Variants in HNRNPD observed in about 807,000 individuals in gnomAD.
HNRNPD encodes the protein heterogeneous nuclear ribonucleoprotein D0.
A neutral mutation model predicts 47.9 loss-of-function variants in HNRNPD; 3 were observed. The ratio of observed to expected loss-of-function variants is 0.06; its 90% CI spans 0.03 to 0.16. The LOEUF (loss-of-function observed/expected upper bound fraction) is 0.16, where lower values mean the gene tolerates loss of function less well. HNRNPD is among the 10% of genes least tolerant of loss of function. The probability of loss-of-function intolerance (pLI) is 1.00; values close to 1 mark genes in which losing one functional copy is unlikely to be tolerated. For synonymous variants in HNRNPD, 171 were observed against 165.1 expected, an observed-to-expected ratio of 1.04 and a Z score of -0.28; for missense variants, 287 against 454.2, an observed-to-expected ratio of 0.63 and a Z score of 3.35.
At position 82,373,950 on chromosome 4, in the gene HNRNPD, T is replaced by G. The variant is rs1351264960; in HGVS notation, c.-272A>C. The G allele has an allele frequency of 1.6e-5, 12 of 731,432 alleles. No homozygotes were observed. The East Asian group carries it at 3.3e-4, about 20-fold the overall frequency. The allele number at this position is 731,432 out of a possible 1,614,324, so 45.3% of individuals were successfully genotyped here. Reference sequence around the variant, plus strand: ...AGCGGCGGCCGCTCTCGCCTCCTCCTCGCTTTAATGGCGCCGCCGCGGACC... The same window carrying G: ...AGCGGCGGCCGCTCTCGCCTCCTCCGCGCTTTAATGGCGCCGCCGCGGACC... On this transcript the variant is annotated 5_prime_UTR_variant, in exon 1 of 9. Coordinates refer to ENST00000313899, the MANE Select transcript of HNRNPD (RefSeq NM_031370.3).
chr4:82,373,013 T>A, intron 1 of HNRNPD: 1 of 392,772 alleles, frequency 2.5e-6, no homozygotes, highest in Non-Finnish European at 5.1e-6. Context: ...AAGCACCAAA[T>A]AAACCTTAGT....
intron 2 of HNRNPD, among the ~76,000 whole-genome samples, chr4:82,363,090 C>G (rs1350671914): frequency 7.0e-6 from 1 of 143,740 alleles, no homozygotes; most frequent in Non-Finnish European, 1.5e-5. Flanking sequence ...TTATTTTTTT[C>G]TTTTTAAACA....
Position 82,373,824 on chromosome 4 carries a change from A to G in HNRNPD, c.-146T>C. On this transcript the variant is annotated 5_prime_UTR_variant, in exon 1 of 9. Coordinates refer to ENST00000313899, the MANE Select transcript of HNRNPD (RefSeq NM_031370.3). ...ACAGGGAAGGCGCGCGCGTGGCTGC[A>G]AAGGCTCCTGCGCCTCTCCCTGGCC... The G allele has an allele frequency of 6.7e-7, 1 of 1,483,842 alleles. No individual in the cohort carries two copies. The allele number at this position is 1,483,842 out of a possible 1,614,324, so 91.9% of individuals were successfully genotyped here. A position where few individuals can be genotyped will look rare whatever the true frequency, so the allele number is the denominator to read the frequency against.
Position 82,352,791 on chromosome 4 carries a change from TCATA to T in HNRNPD, c.*1390_*1393del. The T allele has an allele frequency of 1.0e-5, 1 of 96,618 alleles. No individual in the cohort carries two copies. The highest frequency in any genetic ancestry group is 5.5e-5 in the African/African-American group (1 of 18,274). 6.0% of individuals were successfully genotyped at this position (96,618 alleles called of 1,614,324 possible). A position where few individuals can be genotyped will look rare whatever the true frequency, so the allele number is the denominator to read the frequency against. Reference sequence around the variant, plus strand: ...GACACAGGTCCTCAATTTGGATCTATCATAAAAAAACTTTAATAACACTAACTTT... The same window carrying T: ...GACACAGGTCCTCAATTTGGATCTATAAAAAACTTTAATAACACTAACTTT... On this transcript the variant is annotated 3_prime_UTR_variant, in exon 9 of 9. Transcript: ENST00000313899.
In HNRNPD at chr4:82,373,771, G is replaced by A; in HGVS notation, c.-93C>T. The A allele has an allele frequency of 1.3e-6, 2 of 1,524,198 alleles. No individual in the cohort carries two copies. Among genetic ancestry groups the A allele is most frequent in the Non-Finnish European group, 1.8e-6 (2 of 1,142,478 alleles). The allele number at this position is 1,524,198 out of a possible 1,614,324, so 94.4% of individuals were successfully genotyped here. A position where few individuals can be genotyped will look rare whatever the true frequency, so the allele number is the denominator to read the frequency against. On this transcript the variant is annotated 5_prime_UTR_variant, in exon 1 of 9. Coordinates refer to ENST00000313899, the MANE Select transcript of HNRNPD (RefSeq NM_031370.3). ...AAAGTAATCCCCGCCGCTGCCGCGC[G>A]CCCGCTCTACCTCGCGAAGCACACA...
intron 2 of HNRNPD, among the ~76,000 whole-genome samples, chr4:82,368,111 C>T (rs1719854880): frequency 6.6e-6 from 1 of 152,150 alleles, no homozygotes; most frequent in Non-Finnish European, 1.5e-5. Flanking sequence ...AATGTGCACA[C>T]ACTTGAGGTA....
Position 82,371,561 on chromosome 4 carries a change from T to G in HNRNPD, c.257A>C (p.His86Pro), listed in dbSNP as rs1720048967. ...CCGCTGTGCCGTCGCTGCTTCAGAGTGTCGTGGGGAGGAGTTTGAATGGCT... is the reference window on the plus strand; with the variant it reads ...CCGCTGTGCCGTCGCTGCTTCAGAGGGTCGTGGGGAGGAGTTTGAATGGCT... ...DEGHSNSSPRHSEAATAQREE... is the reference protein window; with the variant it reads ...DEGHSNSSPRPSEAATAQREE... The change falls in exon 2 of 9, where the codon CAC becomes CCC. Residue 86 changes from histidine (H) to proline (P), a missense_variant. By Grantham distance (77) the His-to-Pro change is moderately conservative. Coordinates refer to ENST00000313899, the MANE Select transcript of HNRNPD (RefSeq NM_031370.3). The G allele has an allele frequency of 6.2e-7, 1 of 1,613,158 alleles. No individual in the cohort carries two copies. Among genetic ancestry groups the G allele is most frequent in the Admixed American group, 1.7e-5 (1 of 59,970 alleles).
At chr4:82,359,898 A>C (rs777254952) in intron 2 of HNRNPD, among the ~76,000 whole-genome samples, 7 of 152,198 alleles carry the variant, frequency 4.6e-5, no homozygotes, top group Non-Finnish European at 1.0e-4. Flanking sequence ...ATATACCCAA[A>C]GTAAAAATAC....
chr4:82,367,029 T>TTC (rs995567525), intron 2 of HNRNPD, among the ~76,000 whole-genome samples: 1 of 95,840 alleles, frequency 1.0e-5, no homozygotes, highest in African/African-American at 3.7e-5. Context: ...CACTAGCCTT[T>TTC]TTTTTTTTTT....
chr4:82,369,205 G>A (rs1719909711), intron 2 of HNRNPD, among the ~76,000 whole-genome samples: 2 of 152,202 alleles, frequency 1.3e-5, no homozygotes, highest in Non-Finnish European at 2.9e-5. Context: ...TACCCCAAAT[G>A]AACTGCAGCA....
At chr4:82,368,089 C>A (rs532067232) in intron 2 of HNRNPD, among the ~76,000 whole-genome samples, 24 of 152,308 alleles carry the variant, frequency 1.6e-4, no homozygotes, top group Middle Eastern at 3.4e-3. Context: ...AGTTATGTTT[C>A]ACCCATTTGT....
At chr4:82,371,828 AG>A (rs1720059787) in intron 1 of HNRNPD, among the ~76,000 whole-genome samples, 1 of 152,208 alleles carries the variant, frequency 6.6e-6, no homozygotes, top group African/African-American at 2.4e-5. Context: ...AAAATGTTAA[AG>A]GTTTTAAGTT....
At position 82,373,944 on chromosome 4, in the gene HNRNPD, T is replaced by G. The variant is rs1381145772; in HGVS notation, c.-266A>C. On this transcript the variant is annotated 5_prime_UTR_variant, in exon 1 of 9. Transcript: ENST00000313899. ...AGCACCAGCGGCGGCCGCTCTCGCCTCCTCCTCGCTTTAATGGCGCCGCCG... is the reference window on the plus strand; with the variant it reads ...AGCACCAGCGGCGGCCGCTCTCGCCGCCTCCTCGCTTTAATGGCGCCGCCG... 5 of 759,862 alleles carry G rather than the reference T, an allele frequency of 6.6e-6. No individual in the cohort carries two copies. Among genetic ancestry groups the G allele is most frequent in the East Asian group, 6.7e-5 (2 of 29,906 alleles). The allele number at this position is 759,862 out of a possible 1,614,324, so 47.1% of individuals were successfully genotyped here.
chr4:82,366,013 T>C (rs1719736645), intron 2 of HNRNPD, among the ~76,000 whole-genome samples: 1 of 152,100 alleles, frequency 6.6e-6, no homozygotes, highest in Non-Finnish European at 1.5e-5. Context: ...TTTGGTATTA[T>C]TTCCCCATCA....
rs1720094905 is a variant in HNRNPD at position 82,372,449 on chromosome 4, G to A, written c.234-865C>T. 2.0e-5 allele frequency among the ~76,000 whole-genome samples: 3 copies of A among 152,146 alleles called. No individual in the cohort carries two copies. In the South Asian group the frequency reaches 6.2e-4, roughly 31 times the overall value. On this transcript the variant is annotated intron_variant, in intron 1 of 8. Coordinates refer to ENST00000313899, the MANE Select transcript of HNRNPD (RefSeq NM_031370.3). Reference sequence around the variant, plus strand: ...AATACAGGATTTGTTTCTCTTAAGAGGACTACAGGCCTCCCTTAGTGGGCG... The same window carrying A: ...AATACAGGATTTGTTTCTCTTAAGAAGACTACAGGCCTCCCTTAGTGGGCG...
chr4:82,355,218 CTTAAA>C (rs1351795313), intron 8 of HNRNPD, 81 bp downstream of exon 8: 6 of 776,024 alleles, frequency 7.7e-6, no homozygotes, highest in African/African-American at 7.1e-5. Context: ...CTGTGAAACT[CTTAAA>C]TTAAGCATTG....
chr4:82,365,127 G>A (rs905329442), intron 2 of HNRNPD, among the ~76,000 whole-genome samples: 6 of 152,160 alleles, frequency 3.9e-5, no homozygotes, highest in Admixed American at 2.0e-4. Flanking sequence ...CCTGGACATA[G>A]CGATCAGCCT....
chr4:82,372,980 C>T (rs1246735389), intron 1 of HNRNPD: 6 of 348,246 alleles, frequency 1.7e-5, no homozygotes, highest in Non-Finnish European at 3.5e-5. Context: ...TATAAACAAT[C>T]GCATCGTTTC....
Position 82,367,489 on chromosome 4 carries a change from T to C in HNRNPD, c.290+4039A>G, listed in dbSNP as rs552834899. Reference sequence around the variant, plus strand: ...TACTTTTCAAAAGTGTAAGGAAAAATCTGTAGGAGATTCATTCCATGACAT... The same window carrying C: ...TACTTTTCAAAAGTGTAAGGAAAAACCTGTAGGAGATTCATTCCATGACAT... On this transcript the variant is annotated intron_variant, in intron 2 of 8. Coordinates refer to ENST00000313899, the MANE Select transcript of HNRNPD (RefSeq NM_031370.3). 5.3e-5 allele frequency among the ~76,000 whole-genome samples: 8 copies of C among 152,282 alleles called. No homozygotes were observed. The South Asian group carries it at 1.7e-3, about 32-fold the overall frequency.
Sources: allele counts gnomAD v4.1 joint callset (sites outside exome capture counted in the v4.1 genomes callset), GRCh38; gene constraint gnomAD v4.1.1; transcripts MANE v1.5; gene names NCBI Gene and HGNC (gene_info 2026-07-23, HGNC 2026-07-21).